FARS2: variants seen among roughly 807,000 people sequenced by gnomAD.
FARS2 encodes the protein phenylalanyl-tRNA synthetase 2, mitochondrial.
A neutral mutation model predicts 46.4 loss-of-function variants in FARS2; 40 were observed. That is an observed-to-expected ratio of 0.86 (90% CI 0.67 to 1.12). The LOEUF (loss-of-function observed/expected upper bound fraction) is 1.12, where lower values mean the gene tolerates loss of function less well. Ranked by LOEUF, FARS2 falls within the 50% of genes most tolerant of loss-of-function variation. The probability of loss-of-function intolerance (pLI) is 0.00; values close to 1 mark genes in which losing one functional copy is unlikely to be tolerated. For synonymous variants in FARS2, 234 were observed against 214.9 expected (o/e 1.09, Z -0.78); for missense variants, 513 against 567.9 (o/e 0.90, Z 0.98).
chr6:5,356,753 C>T (rs925599414), intron 1 of FARS2, among the ~76,000 whole-genome samples: 4 of 152,182 alleles, frequency 2.6e-5, no homozygotes, highest in Non-Finnish European at 5.9e-5. Flanking sequence ...TATATTTCCC[C>T]TCGGAGCAGC....
At chr6:5,428,385 A>C (rs772132508) in intron 3 of FARS2, among the ~76,000 whole-genome samples, 1 of 152,184 alleles carries the variant, frequency 6.6e-6, no homozygotes, top group African/African-American at 2.4e-5. Context: ...GCATTTAGGT[A>C]ATGTTTAATT....
intron 6 of FARS2, among the ~76,000 whole-genome samples, chr6:5,724,647 G>C (rs2150926037): frequency 6.6e-6 from 1 of 152,338 alleles, no homozygotes; most frequent in African/African-American, 2.4e-5. Flanking sequence ...GGCTAAGACT[G>C]TCCCTCACGG....
At chr6:5,666,719 C>A (rs1276398843) in intron 6 of FARS2, among the ~76,000 whole-genome samples, 1 of 152,184 alleles carries the variant, frequency 6.6e-6, no homozygotes, top group Non-Finnish European at 1.5e-5. Flanking sequence ...AATCCCATTG[C>A]TGGATATACA....
intron 2 of FARS2, among the ~76,000 whole-genome samples, chr6:5,384,251 C>T (rs1274102823): frequency 2.0e-5 from 3 of 152,186 alleles, no homozygotes; most frequent in Non-Finnish European, 4.4e-5. Flanking sequence ...TCCTTTTCTC[C>T]TAGGAGAGCC....
intron 4 of FARS2, among the ~76,000 whole-genome samples, chr6:5,510,516 G>A (rs773304050): frequency 4.6e-5 from 7 of 152,204 alleles, no homozygotes; most frequent in Non-Finnish European, 8.8e-5. Flanking sequence ...CTGAATGCCC[G>A]CCGCACGCCC....
intron 5 of FARS2, among the ~76,000 whole-genome samples, chr6:5,562,714 AC>A (rs1338206260): frequency 2.0e-5 from 3 of 151,944 alleles, no homozygotes; most frequent in Non-Finnish European, 2.9e-5. Flanking sequence ...ACACACACAC[AC>A]ACACACACAC....
intron 6 of FARS2, among the ~76,000 whole-genome samples, chr6:5,639,520 C>G (rs2150736251): frequency 6.6e-6 from 1 of 152,286 alleles, no homozygotes; most frequent in South Asian, 2.1e-4. Flanking sequence ...GTAGATTTCT[C>G]TTGCTTAAGT....
At chr6:5,660,614 A>G (rs986871108) in intron 6 of FARS2, among the ~76,000 whole-genome samples, 41 of 149,064 alleles carry the variant, frequency 2.8e-4, no homozygotes, top group Middle Eastern at 3.5e-3. Flanking sequence ...ACACCACTGC[A>G]CTCTGGCCCA....
At chr6:5,380,142 G>T (rs144550960) in intron 2 of FARS2, among the ~76,000 whole-genome samples, 3 of 152,124 alleles carry the variant, frequency 2.0e-5, no homozygotes, top group Non-Finnish European at 2.9e-5. Context: ...CTAGTTATTC[G>T]ATCTTAGTAG....
intron 1 of FARS2, among the ~76,000 whole-genome samples, chr6:5,342,771 AAAAG>A (rs1771749010): frequency 6.6e-6 from 1 of 152,074 alleles, no homozygotes; most frequent in Non-Finnish European, 1.5e-5. Context: ...AAAAAAAAGA[AAAAG>A]AATATAAGCT....
chr6:5,733,684 C>G (rs1026567443), intron 6 of FARS2, among the ~76,000 whole-genome samples: 1 of 152,186 alleles, frequency 6.6e-6, no homozygotes, highest in African/African-American at 2.4e-5. Flanking sequence ...ACTGTGGAGT[C>G]CATGCTGTAC....
chr6:5,681,822 G>A (rs1041765937), intron 6 of FARS2, among the ~76,000 whole-genome samples: 1 of 152,152 alleles, frequency 6.6e-6, no homozygotes, highest in African/African-American at 2.4e-5. Flanking sequence ...CCCTCTTTTG[G>A]TGCTTTTCCT....
intron 1 of FARS2, among the ~76,000 whole-genome samples, chr6:5,289,392 G>C (rs1289068880): frequency 6.6e-6 from 1 of 152,190 alleles, no homozygotes; most frequent in African/African-American, 2.4e-5. Flanking sequence ...GAAAACCACA[G>C]ATTTTGAAAG....
intron 6 of FARS2, among the ~76,000 whole-genome samples, chr6:5,754,334 G>GACTGATTGTAACGGTT (rs1762101385): frequency 6.6e-6 from 1 of 152,194 alleles, no homozygotes; most frequent in Non-Finnish European, 1.5e-5. Context: ...GGAAGCCTGA[G>GACTGATTGTAACGGTT]ACTGATTGTA....
intron 1 of FARS2, among the ~76,000 whole-genome samples, chr6:5,300,038 A>G (rs536515131): frequency 6.6e-6 from 1 of 152,310 alleles, no homozygotes; most frequent in East Asian, 1.9e-4. Flanking sequence ...TTAGATGTCA[A>G]ATTTAAAAAT....
At chr6:5,404,035 T>A (rs889656867) in intron 2 of FARS2, among the ~76,000 whole-genome samples, 1 of 152,248 alleles carries the variant, frequency 6.6e-6, no homozygotes, top group Admixed American at 6.5e-5. Flanking sequence ...GCTTAGCTAC[T>A]GTATCACTTG....
chr6:5,296,340 A>G (rs1767877820), intron 1 of FARS2, among the ~76,000 whole-genome samples: 1 of 151,760 alleles, frequency 6.6e-6, no homozygotes, highest in Non-Finnish European at 1.5e-5. Context: ...ATGGGGTTTC[A>G]CTGTGTTAGC....
intron 1 of FARS2, among the ~76,000 whole-genome samples, chr6:5,340,619 C>T (rs923388656): frequency 6.6e-6 from 1 of 152,138 alleles, no homozygotes; most frequent in Admixed American, 6.5e-5. Flanking sequence ...AGAGCATCAA[C>T]AGTGCCATAG....
At chr6:5,383,017 C>G (rs1383543871) in intron 2 of FARS2, among the ~76,000 whole-genome samples, 1 of 152,194 alleles carries the variant, frequency 6.6e-6, no homozygotes, top group African/African-American at 2.4e-5. Flanking sequence ...CTCGCTTTGC[C>G]TGTTCAAGTA....
Sources: gnomAD v4.1 joint callset for allele counts (sites outside exome capture counted in the v4.1 genomes callset) on GRCh38, gnomAD v4.1.1 for gene constraint, MANE v1.5 for transcripts, NCBI Gene and HGNC (gene_info 2026-07-23, HGNC 2026-07-21) for gene names.